SHISA9: variants seen among roughly 807,000 people sequenced by gnomAD.
SHISA9 encodes the protein protein shisa-9.
SHISA9 carries 13 observed loss-of-function variants against 38.0 expected under a neutral mutation model. That is an observed-to-expected ratio of 0.34 (90% CI 0.22 to 0.54). The LOEUF is 0.54. SHISA9 is among the 20% of genes least tolerant of loss of function. The pLI, the probability that SHISA9 is intolerant of heterozygous loss-of-function variation, is 0.91. For synonymous variants in SHISA9, 275 were observed against 242.0 expected (o/e 1.14, Z -1.27); for missense variants, 538 against 575.8 (o/e 0.93, Z 0.67).
rs1567183929 is a variant in SHISA9 at position 13,019,844 on chromosome 16, T to TTCCTTCCC, written c.691+103032_691+103033insTTCCCTCC. ...TCTTTCTTTCTTTCTTTTTCCTTCC[T>TTCCTTCCC]TCCCTCCCTCCCTCCCTCCCTCCCT... is the stretch of plus-strand genomic sequence containing the variant. On this transcript the variant is annotated intron_variant, in intron 2 of 4. Transcript: ENST00000558583. Among the ~76,000 whole-genome samples the TTCCTTCCC allele has an allele frequency of 3.1e-4, 18 of 58,568 alleles. No homozygotes were observed. In the East Asian group the frequency reaches 3.4e-3, roughly 11 times the overall value. The allele number at this position is 58,568 out of a possible 152,430, so 38.4% of individuals were successfully genotyped here. A position where few individuals can be genotyped will look rare whatever the true frequency, so the allele number is the denominator to read the frequency against.
chr16:13,377,671 G>A, the SHISA9 span, among the ~76,000 whole-genome samples: 1 of 152,198 alleles, frequency 6.6e-6, no homozygotes, highest in African/African-American at 2.4e-5. Context: ...ATTCTACTCA[G>A]TATATAGCTC....
intron 2 of SHISA9, among the ~76,000 whole-genome samples, chr16:13,088,949 G>T (rs2073743498): frequency 6.6e-6 from 1 of 152,140 alleles, no homozygotes; most frequent in Non-Finnish European, 1.5e-5. Flanking sequence ...CTGTGGGTTT[G>T]TCTTAAATAG....
chr16:13,473,148 G>C, the SHISA9 span, among the ~76,000 whole-genome samples: 2 of 152,008 alleles, frequency 1.3e-5, no homozygotes, highest in African/African-American at 4.8e-5. Flanking sequence ...TAAATTACTT[G>C]GAAAAGTTTT....
the SHISA9 span, among the ~76,000 whole-genome samples, chr16:13,507,069 G>GTATA: frequency 3.4e-5 from 5 of 148,746 alleles, no homozygotes; most frequent in African/African-American, 2.5e-5. Context: ...CAACCACCAT[G>GTATA]TATATATATA....
the SHISA9 span, among the ~76,000 whole-genome samples, chr16:13,352,466 G>T: frequency 1.3e-5 from 2 of 152,064 alleles, no homozygotes; most frequent in African/African-American, 4.8e-5. Flanking sequence ...GTTGCCGTAG[G>T]GAGATGGGAG....
intron 2 of SHISA9, among the ~76,000 whole-genome samples, chr16:12,944,798 C>A (rs1596542809): frequency 6.6e-6 from 1 of 152,048 alleles, no homozygotes; most frequent in Non-Finnish European, 1.5e-5. Flanking sequence ...TGTGGAGCTG[C>A]CTTGGTTTGA....
At chr16:13,028,660 G>A (rs1055470863) in intron 2 of SHISA9, among the ~76,000 whole-genome samples, 1 of 152,166 alleles carries the variant, frequency 6.6e-6, no homozygotes, top group African/African-American at 2.4e-5. Context: ...TGAGATTTGG[G>A]TGGGGACACA....
intron 2 of SHISA9, among the ~76,000 whole-genome samples, chr16:12,989,101 A>G (rs1248102331): frequency 2.0e-5 from 3 of 152,228 alleles, no homozygotes; most frequent in Non-Finnish European, 4.4e-5. Flanking sequence ...CTAAAGATCC[A>G]TTCTCTGAGC....
intron 2 of SHISA9, among the ~76,000 whole-genome samples, chr16:12,997,850 C>G (rs1195176441): frequency 6.6e-6 from 1 of 152,186 alleles, no homozygotes; most frequent in Non-Finnish European, 1.5e-5. Flanking sequence ...ATAACTTGTT[C>G]TGCCTCTAGA....
In SHISA9 at chr16:13,019,968, T is replaced by TTTCCTTCCTTCCTTCCTTCC. The variant is rs750335000; in HGVS notation, c.691+103178_691+103197dup. 6.3e-3 allele frequency among the ~76,000 whole-genome samples: 274 copies of TTTCCTTCCTTCCTTCCTTCC among 43,204 alleles called. 18 individuals are homozygous for TTTCCTTCCTTCCTTCCTTCC. The highest frequency in any genetic ancestry group is 0.014 in the East Asian group (27 of 1,974). 28.3% of individuals were successfully genotyped at this position (43,204 alleles called of 152,430 possible). On this transcript the variant is annotated intron_variant, in intron 2 of 4. Transcript: ENST00000558583. The stretch of plus-strand genomic sequence containing the variant: ...CTTTCTTTCTTTCTTTCCCTCCTTC[T>TTTCCTTCCTTCCTTCCTTCC]TTCCTTCCTTCCTTCCTTCCTTCCT...
At chr16:13,157,017 A>G (rs1054579143) in intron 2 of SHISA9, among the ~76,000 whole-genome samples, 2 of 152,316 alleles carry the variant, frequency 1.3e-5, no homozygotes, top group South Asian at 2.1e-4. Context: ...CTTTTCAAGT[A>G]TGCATCAGAG....
At chr16:12,917,616 A>T (rs1178051711) in intron 2 of SHISA9, among the ~76,000 whole-genome samples, 1 of 152,260 alleles carries the variant, frequency 6.6e-6, no homozygotes, top group Admixed American at 6.5e-5. Flanking sequence ...GAGAAAAAAT[A>T]AGATTGTTTA....
At chr16:13,407,443 A>T in the SHISA9 span, among the ~76,000 whole-genome samples, 1 of 152,170 alleles carries the variant, frequency 6.6e-6, no homozygotes, top group African/African-American at 2.4e-5. Context: ...CTCATGACCT[A>T]ATAACCCCAA....
rs1423100320 is a variant in SHISA9, at chr16:12,902,433, C to T, written c.369C>T (p.Tyr123=). The T allele has an allele frequency of 3.9e-6, 6 of 1,551,248 alleles. No individual in the cohort carries two copies. The Admixed American group carries it at 9.8e-5, about 25-fold the overall frequency. ...RRLNQSTCTN[Y]DTPLWLNTGK... is the part of the protein sequence containing the mutation. ...TGAACCAAAGCACCTGCACCAACTACGACACGCCGCTCTGGCTCAACACCG... is the reference window on the plus strand; with the variant it reads ...TGAACCAAAGCACCTGCACCAACTATGACACGCCGCTCTGGCTCAACACCG... Residue 123 remains tyrosine, a synonymous_variant, in exon 1 of 5, where the codon TAC becomes TAT. Coordinates refer to ENST00000558583, the MANE Select transcript of SHISA9 (RefSeq NM_001145204.3).
chr16:13,008,665 T>TCCTC (rs2072631007), intron 2 of SHISA9, among the ~76,000 whole-genome samples: 1 of 26,182 alleles, frequency 3.8e-5, no homozygotes, highest in Non-Finnish European at 7.9e-5. Flanking sequence ...CTCCCTCCCT[T>TCCTC]CCTCCCTCCC....
chr16:12,902,457 C>T lies in SHISA9; in HGVS notation c.393C>T (p.Thr131=), dbSNP rs2071031249. 7 of 1,551,284 alleles carry T rather than the reference C, an allele frequency of 4.5e-6. No individual in the cohort carries two copies. The highest frequency in any genetic ancestry group is 2.4e-5 in the East Asian group (1 of 40,894). ...TNYDTPLWLN[T]GKPPARKDDP... ...ACGACACGCCGCTCTGGCTCAACAC[C>T]GGCAAGCCCCCCGCCCGCAAGGACG... Residue 131 remains threonine (T), a synonymous_variant, in exon 1 of 5, where the codon ACC becomes ACT. Coordinates refer to ENST00000558583, the MANE Select transcript of SHISA9 (RefSeq NM_001145204.3).
At chr16:13,115,822 C>T (rs1408203848) in intron 2 of SHISA9, among the ~76,000 whole-genome samples, 1 of 152,232 alleles carries the variant, frequency 6.6e-6, no homozygotes, top group East Asian at 1.9e-4. Context: ...ATTTTGCAAA[C>T]CCTGCACTAA....
At chr16:13,251,941 C>T in the SHISA9 span, among the ~76,000 whole-genome samples, 9 of 152,106 alleles carry the variant, frequency 5.9e-5, no homozygotes, top group African/African-American at 9.7e-5. Flanking sequence ...ACTTGACCAG[C>T]GAGAACTGAG....
chr16:12,916,871 C>T, intron 2 of SHISA9, 56 bp downstream of exon 2: 1 of 1,521,608 alleles, frequency 6.6e-7, no homozygotes, highest in Non-Finnish European at 8.8e-7. Context: ...GAGCAGTGGT[C>T]ACATTGCCAG....
Sources: gnomAD v4.1 joint callset for allele counts (sites outside exome capture counted in the v4.1 genomes callset) on GRCh38, gnomAD v4.1.1 for gene constraint, MANE v1.5 for transcripts, NCBI Gene and HGNC (gene_info 2026-07-23, HGNC 2026-07-21) for gene names.